The following RIC1 variants were observed in gnomAD, a reference collection of about 807,000 sequenced individuals.
RIC1 encodes RIC1 partner of RAB6A GEF complex.
A neutral mutation model predicts 169.0 loss-of-function variants in RIC1; 88 were observed. The ratio of observed to expected loss-of-function variants is 0.52; its 90% CI spans 0.44 to 0.62. RIC1 has a LOEUF of 0.62. Ranked by LOEUF, RIC1 falls within the 20% of genes least tolerant of loss-of-function variation. RIC1 has a pLI of 0.00. For synonymous variants in RIC1, 790 were observed against 601.5 expected, an observed-to-expected ratio of 1.31 and a Z score of -4.59; for missense variants, 1,877 against 1,725.5, an observed-to-expected ratio of 1.09 and a Z score of -1.56.
At chr9:5,685,335 A>G (rs1044922065) in intron 2 of RIC1, among the ~76,000 whole-genome samples, 13 of 151,666 alleles carry the variant, frequency 8.6e-5, no homozygotes, top group African/African-American at 3.2e-4. Flanking sequence ...CCTAAGCCAA[A>G]AGAACAAAGC....
chr9:5,662,047 T>C (rs992447464), intron 2 of RIC1, among the ~76,000 whole-genome samples: 32 of 152,346 alleles, frequency 2.1e-4, no homozygotes, highest in African/African-American at 7.5e-4. Context: ...TAAAGCGATG[T>C]TGAATTTTAT....
chr9:5,706,161 A>G (rs1822572369), intron 3 of RIC1, among the ~76,000 whole-genome samples: 1 of 152,222 alleles, frequency 6.6e-6, no homozygotes, highest in African/African-American at 2.4e-5. Flanking sequence ...TTCTGGCCTC[A>G]TAGAATGAAT....
chr9:5,752,980 A>C (rs968775445), intron 12 of RIC1, among the ~76,000 whole-genome samples: 1 of 152,180 alleles, frequency 6.6e-6, no homozygotes, highest in African/African-American at 2.4e-5. Context: ...ATAAGGGGCA[A>C]GGGGCAGGGA....
chr9:5,744,590 C>T (rs188362882), intron 10 of RIC1, among the ~76,000 whole-genome samples: 1 of 152,068 alleles, frequency 6.6e-6, no homozygotes, highest in South Asian at 2.1e-4. Flanking sequence ...ACCTTATGCA[C>T]ATAGACTGAA....
rs1483718442 is a variant in RIC1 at position 5,776,162 on chromosome 9, C to G, written c.*1916C>G. On this transcript the variant is annotated 3_prime_UTR_variant, in exon 26 of 26. Coordinates refer to ENST00000414202, the MANE Select transcript of RIC1 (RefSeq NM_020829.4). Reference sequence around the variant, plus strand: ...GCACCAGTATAAGTTAACTGTATTCCTGTGGGTTAGGCCGTGAATGAATCA... The same window carrying G: ...GCACCAGTATAAGTTAACTGTATTCGTGTGGGTTAGGCCGTGAATGAATCA... The G allele has an allele frequency of 6.6e-6, 1 of 152,132 alleles. No homozygotes were observed. The highest frequency in any genetic ancestry group is 1.5e-5 in the Non-Finnish European group (1 of 67,984). The allele number at this position is 152,132 out of a possible 1,614,324, so 9.4% of individuals were successfully genotyped here. A position where few individuals can be genotyped will look rare whatever the true frequency, so the allele number is the denominator to read the frequency against.
At chr9:5,728,018 C>T (rs1824108908) in intron 6 of RIC1, among the ~76,000 whole-genome samples, 1 of 152,228 alleles carries the variant, frequency 6.6e-6, no homozygotes, top group African/African-American at 2.4e-5. Flanking sequence ...GGCAGTCTGT[C>T]TGTTCTCAGA....
At position 5,632,276 on chromosome 9, in the gene RIC1, A is replaced by G. The variant is rs530098799; in HGVS notation, c.144+2823A>G. ...TTAGTAGTCTAAGCTGGTTGTTTCA[A>G]TGTTCAAAAGAATTGTGGAAATTGT... On this transcript the variant is annotated intron_variant, in intron 1 of 25. Transcript: ENST00000414202. Among the ~76,000 whole-genome samples the G allele has an allele frequency of 7.5e-4, 114 of 152,344 alleles. 1 individual carries two copies. Among genetic ancestry groups the G allele is most frequent in the Middle Eastern group, 3.4e-3 (1 of 294 alleles).
At chr9:5,728,750 C>G (rs1015140502) in intron 6 of RIC1, among the ~76,000 whole-genome samples, 1 of 152,212 alleles carries the variant, frequency 6.6e-6, no homozygotes, top group Non-Finnish European at 1.5e-5. Flanking sequence ...TTACTATAAT[C>G]TTTAACACAG....
chr9:5,634,733 T>C (rs565958162), intron 1 of RIC1, among the ~76,000 whole-genome samples: 1 of 152,312 alleles, frequency 6.6e-6, no homozygotes, highest in South Asian at 2.1e-4. Context: ...ATCCTACTTG[T>C]TTATTTTTGC....
At chr9:5,735,934 A>G (rs1391825850) in intron 7 of RIC1, among the ~76,000 whole-genome samples, 1 of 152,210 alleles carries the variant, frequency 6.6e-6, no homozygotes, top group Non-Finnish European at 1.5e-5. Context: ...TCTCTCTTAT[A>G]GAGATTTGCT....
intron 17 of RIC1, among the ~76,000 whole-genome samples, chr9:5,759,991 C>T (rs908600171): frequency 1.3e-5 from 2 of 152,168 alleles, no homozygotes; most frequent in African/African-American, 4.8e-5. Flanking sequence ...GAGGGCCTTT[C>T]ACAAAGAGAA....
At chr9:5,756,882 A>G (rs542018129) in intron 16 of RIC1, among the ~76,000 whole-genome samples, 1 of 152,298 alleles carries the variant, frequency 6.6e-6, no homozygotes, top group Admixed American at 6.5e-5. Context: ...ACGTATTTAG[A>G]CCACACCTCT....
intron 2 of RIC1, among the ~76,000 whole-genome samples, chr9:5,671,552 G>C (rs953546561): frequency 6.6e-6 from 1 of 152,258 alleles, no homozygotes; most frequent in African/African-American, 2.4e-5. Flanking sequence ...TTGGGATTAT[G>C]GGCATGAGTC....
At chr9:5,664,936 G>C (rs542292295) in intron 2 of RIC1, among the ~76,000 whole-genome samples, 1 of 152,302 alleles carries the variant, frequency 6.6e-6, no homozygotes, top group South Asian at 2.1e-4. Flanking sequence ...TGAAGTTCTT[G>C]TAGTATGTTT....
intron 16 of RIC1, 76 bp from the exon 17 acceptor site, chr9:5,757,237 A>G: frequency 6.7e-7 from 1 of 1,485,110 alleles, no homozygotes; most frequent in Non-Finnish European, 9.3e-7. Flanking sequence ...GAAATCTAAT[A>G]CTATTACTAG....
chr9:5,675,500 A>G (rs1470599185), intron 2 of RIC1, among the ~76,000 whole-genome samples: 1 of 152,136 alleles, frequency 6.6e-6, no homozygotes, highest in Non-Finnish European at 1.5e-5. Flanking sequence ...GTGGCCAAAA[A>G]TATTAAATTA....
chr9:5,644,751 G>A (rs1818419082), intron 1 of RIC1, among the ~76,000 whole-genome samples: 1 of 152,086 alleles, frequency 6.6e-6, no homozygotes, highest in African/African-American at 2.4e-5. Flanking sequence ...GTCTGTGTGT[G>A]GATAAATGTT....
At chr9:5,713,699 CA>C in intron 3 of RIC1, 196 bp from the exon 4 acceptor site, 1 of 356,982 alleles carries the variant, frequency 2.8e-6, no homozygotes, top group Non-Finnish European at 5.1e-6. Context: ...TTACATTGGT[CA>C]AACATTTATT....
chr9:5,750,446 G>A (rs1449554334), intron 12 of RIC1, among the ~76,000 whole-genome samples: 7 of 151,896 alleles, frequency 4.6e-5, no homozygotes, highest in South Asian at 2.1e-4. Flanking sequence ...GTATTTAAAG[G>A]CTCTTTCATT....
Sources: gnomAD v4.1 joint callset for allele counts (sites outside exome capture counted in the v4.1 genomes callset) on GRCh38, gnomAD v4.1.1 for gene constraint, MANE v1.5 for transcripts, NCBI Gene and HGNC (gene_info 2026-07-23, HGNC 2026-07-21) for gene names.